The following STK32A variants were observed in gnomAD, a reference collection of about 807,000 sequenced individuals.
STK32A encodes the protein serine/threonine-protein kinase 32A.
A neutral mutation model predicts 53.2 loss-of-function variants in STK32A; 41 were observed. That is an observed-to-expected ratio of 0.77 (90% CI 0.60 to 1.00). STK32A has a LOEUF of 1.00. Among genes scored for constraint, STK32A ranks in the 50% least tolerant of loss-of-function variants. The probability of loss-of-function intolerance (pLI) is 0.00; values close to 1 mark genes in which losing one functional copy is unlikely to be tolerated. For synonymous variants in STK32A, 166 were observed against 162.8 expected (o/e 1.02, Z -0.15); for missense variants, 458 against 485.8 (o/e 0.94, Z 0.54).
rs569831136 is a variant in STK32A at position 147,309,122 on chromosome 5, G to A, written c.261-14776G>A. On this transcript the variant is annotated intron_variant, in intron 4 of 12. Coordinates refer to ENST00000397936, the MANE Select transcript of STK32A (RefSeq NM_001112724.2). ...GGGGATGATTGCCAAGTCAGGTCCTGCAGGTGGTGAGATGAATGTGACTCA... is the reference window on the plus strand; with the variant it reads ...GGGGATGATTGCCAAGTCAGGTCCTACAGGTGGTGAGATGAATGTGACTCA... 3.9e-5 allele frequency among the ~76,000 whole-genome samples: 6 copies of A among 152,248 alleles called. No homozygotes were observed. In the South Asian group the frequency reaches 1.0e-3, roughly 26 times the overall value.
At chr5:147,254,867 CG>C (rs1378161120) in intron 2 of STK32A, among the ~76,000 whole-genome samples, 18 of 152,028 alleles carry the variant, frequency 1.2e-4, no homozygotes, top group African/African-American at 4.3e-4. Context: ...AGGCTGGGCG[CG>C]GTGGCTCACG....
intron 5 of STK32A, among the ~76,000 whole-genome samples, chr5:147,328,265 G>C (rs1653873010): frequency 1.3e-5 from 2 of 152,052 alleles, no homozygotes; most frequent in South Asian, 2.1e-4. Context: ...TTTCACTTCA[G>C]CTTTTCTGCC....
At position 147,261,681 on chromosome 5, in the gene STK32A, A is replaced by G. The variant is rs1581006705; in HGVS notation, c.53-16443A>G. Among the ~76,000 whole-genome samples, 7 of 152,302 alleles carry G rather than the reference A, an allele frequency of 4.6e-5. 3 individuals are homozygous for G. The highest frequency in any genetic ancestry group is 4.6e-4 in the Admixed American group (7 of 15,300). On this transcript the variant is annotated intron_variant, in intron 2 of 12. Coordinates refer to ENST00000397936, the MANE Select transcript of STK32A (RefSeq NM_001112724.2). ...TATAACTGATATCTAACACTGAAGGAGGCTTATGCTTAGGGTTTTATGTTA... is the reference window on the plus strand; with the variant it reads ...TATAACTGATATCTAACACTGAAGGGGGCTTATGCTTAGGGTTTTATGTTA...
Position 147,356,860 on chromosome 5 carries a change from A to C in STK32A, c.563-4657A>C, listed in dbSNP as rs148058958. 3.8e-3 allele frequency among the ~76,000 whole-genome samples: 583 copies of C among 152,272 alleles called. 6 individuals carry two copies. The highest frequency in any genetic ancestry group is 0.013 in the African/African-American group (559 of 41,562). On this transcript the variant is annotated intron_variant, in intron 7 of 12. Coordinates refer to ENST00000397936, the MANE Select transcript of STK32A (RefSeq NM_001112724.2). ...TGGTCCCAAGTATTTCAAATAGGGG[A>C]TACTCAACCTGTACATTTAAATTTG...
At chr5:147,297,689 G>A (rs1752929268) in intron 4 of STK32A, among the ~76,000 whole-genome samples, 2 of 152,124 alleles carry the variant, frequency 1.3e-5, no homozygotes, top group Admixed American at 1.3e-4. Flanking sequence ...TATTGTCTGG[G>A]CCGGGCATGG....
At chr5:147,351,912 G>T (rs143153772) in intron 7 of STK32A, among the ~76,000 whole-genome samples, 72 of 152,192 alleles carry the variant, frequency 4.7e-4, no homozygotes, top group African/African-American at 1.7e-3. Context: ...ATAATAAGTG[G>T]CAAAGTATTA....
the STK32A span, among the ~76,000 whole-genome samples, chr5:147,395,022 T>C: frequency 6.6e-6 from 1 of 152,338 alleles, no homozygotes; most frequent in East Asian, 1.9e-4. Context: ...AGAGAGTTCG[T>C]AAAGAATAGG....
At chr5:147,367,983 ATACG>A (rs2152001883) in intron 8 of STK32A, among the ~76,000 whole-genome samples, 1 of 152,374 alleles carries the variant, frequency 6.6e-6, no homozygotes, top group South Asian at 2.1e-4. Flanking sequence ...AATTTCCTCC[ATACG>A]TACAAATTTT....
At chr5:147,245,250 A>T (rs1007009464) in intron 2 of STK32A, among the ~76,000 whole-genome samples, 2 of 152,236 alleles carry the variant, frequency 1.3e-5, no homozygotes, top group Non-Finnish European at 2.9e-5. Flanking sequence ...CTGACTAATA[A>T]GTAATCCCAT....
intron 2 of STK32A, among the ~76,000 whole-genome samples, chr5:147,266,232 G>A (rs1272544195): frequency 1.3e-5 from 2 of 152,140 alleles, no homozygotes; most frequent in African/African-American, 4.8e-5. Context: ...TGAAGCGGAT[G>A]GAGTCCACAA....
intron 2 of STK32A, among the ~76,000 whole-genome samples, chr5:147,249,903 T>C (rs1164890467): frequency 1.3e-4 from 10 of 74,436 alleles, no homozygotes; most frequent in Non-Finnish European, 2.3e-4. Context: ...AGTAAGCCTC[T>C]GTCTCAAAAA....
intron 4 of STK32A, among the ~76,000 whole-genome samples, chr5:147,312,627 T>C (rs1162718379): frequency 6.6e-6 from 1 of 152,178 alleles, no homozygotes; most frequent in Non-Finnish European, 1.5e-5. Flanking sequence ...TTTGTAAGGC[T>C]GCTTATGAGA....
chr5:147,244,252 T>C (rs1259529753), intron 2 of STK32A, among the ~76,000 whole-genome samples: 4 of 152,272 alleles, frequency 2.6e-5, no homozygotes, highest in Non-Finnish European at 5.9e-5. Context: ...TTCCATTGTA[T>C]GGATATACCA....
At chr5:147,274,254 C>A (rs1029854818) in intron 2 of STK32A, among the ~76,000 whole-genome samples, 1 of 152,142 alleles carries the variant, frequency 6.6e-6, no homozygotes, top group Non-Finnish European at 1.5e-5. Context: ...GTTACATCTC[C>A]TTTGCCTGTT....
intron 11 of STK32A, among the ~76,000 whole-genome samples, chr5:147,378,399 C>T (rs1757314114): frequency 6.6e-6 from 1 of 152,114 alleles, no homozygotes; most frequent in Non-Finnish European, 1.5e-5. Context: ...GGTTTCTGAT[C>T]ATAGGAATTA....
intron 2 of STK32A, among the ~76,000 whole-genome samples, chr5:147,247,315 A>G (rs888689917): frequency 1.3e-5 from 2 of 152,234 alleles, no homozygotes; most frequent in Non-Finnish European, 2.9e-5. Flanking sequence ...GTGACCATTC[A>G]TGGAAGTTTC....
intron 4 of STK32A, among the ~76,000 whole-genome samples, chr5:147,314,583 C>G (rs1314854869): frequency 4.8e-5 from 7 of 146,396 alleles, no homozygotes; most frequent in Admixed American, 4.8e-4. Context: ...ACAGAAAATG[C>G]AATTTAAAAA....
At chr5:147,262,984 C>A (rs1754651108) in intron 2 of STK32A, among the ~76,000 whole-genome samples, 1 of 143,624 alleles carries the variant, frequency 7.0e-6, no homozygotes, top group African/African-American at 2.6e-5. Context: ...TCCCTTCTAC[C>A]AACTTGGAAA....
intron 2 of STK32A, among the ~76,000 whole-genome samples, chr5:147,265,575 G>GTTTT (rs1182873091): frequency 6.6e-6 from 1 of 152,118 alleles, no homozygotes; most frequent in Non-Finnish European, 1.5e-5. Flanking sequence ...GTTTTGTTTT[G>GTTTT]TCAGACTGCT....
Sources: allele counts gnomAD v4.1 joint callset (sites outside exome capture counted in the v4.1 genomes callset), GRCh38; gene constraint gnomAD v4.1.1; transcripts MANE v1.5; gene names NCBI Gene and HGNC (gene_info 2026-07-23, HGNC 2026-07-21).